Variants in ZDHHC14 observed in about 807,000 individuals in gnomAD.
ZDHHC14 encodes the protein zDHHC palmitoyltransferase 14, also known as palmitoyltransferase ZDHHC14.
Under a neutral mutation model 47.7 loss-of-function variants are expected in ZDHHC14, and 16 were observed. The observed-to-expected ratio is 0.34, with a 90% confidence interval of 0.23 to 0.51. ZDHHC14 has a LOEUF of 0.51. ZDHHC14 is among the 20% of genes least tolerant of loss of function. The pLI is 0.97. For missense variants in ZDHHC14, 515 were observed against 662.5 expected (o/e 0.78, Z 2.44); for synonymous variants, 293 against 278.9 (o/e 1.05, Z -0.50).
intron 1 of ZDHHC14, among the ~76,000 whole-genome samples, chr6:157,517,571 A>T (rs552277578): frequency 6.6e-6 from 1 of 152,290 alleles, no homozygotes; most frequent in Non-Finnish European, 1.5e-5. Context: ...TTGGCCTCCC[A>T]AAGTGCTGGG....
chr6:157,386,229 G>A (rs1227956008), intron 1 of ZDHHC14, among the ~76,000 whole-genome samples: 3 of 152,078 alleles, frequency 2.0e-5, no homozygotes, highest in Non-Finnish European at 4.4e-5. Flanking sequence ...AAACCTGGCC[G>A]GGCACAGTGG....
At chr6:157,598,816 T>A (rs1307919025) in intron 3 of ZDHHC14, among the ~76,000 whole-genome samples, 1 of 152,218 alleles carries the variant, frequency 6.6e-6, no homozygotes, top group Non-Finnish European at 1.5e-5. Flanking sequence ...CTTACCATGT[T>A]CAACCATTCA....
chr6:157,450,976 T>C (rs895009864), intron 1 of ZDHHC14, among the ~76,000 whole-genome samples: 2 of 151,372 alleles, frequency 1.3e-5, no homozygotes, highest in Admixed American at 1.3e-4. Flanking sequence ...GTGGGATAAA[T>C]TTTGATGTCA....
intron 1 of ZDHHC14, among the ~76,000 whole-genome samples, chr6:157,383,541 C>T (rs958420720): frequency 6.6e-6 from 1 of 152,216 alleles, no homozygotes; most frequent in African/African-American, 2.4e-5. Context: ...ATACTTGTCG[C>T]TCAAAGCCCT....
intron 1 of ZDHHC14, among the ~76,000 whole-genome samples, chr6:157,521,178 A>G (rs1780897594): frequency 6.6e-6 from 1 of 152,144 alleles, no homozygotes; most frequent in Non-Finnish European, 1.5e-5. Flanking sequence ...GGGACCCTGG[A>G]GGCAGAATCA....
intron 3 of ZDHHC14, among the ~76,000 whole-genome samples, chr6:157,603,783 C>T (rs1784427449): frequency 6.6e-6 from 1 of 152,200 alleles, no homozygotes; most frequent in Non-Finnish European, 1.5e-5. Context: ...GGGAGGGCAG[C>T]TACCTGTGGT....
intron 1 of ZDHHC14, among the ~76,000 whole-genome samples, chr6:157,471,173 C>T (rs1255294229): frequency 6.6e-6 from 1 of 152,224 alleles, no homozygotes; most frequent in Non-Finnish European, 1.5e-5. Flanking sequence ...ATACTCGTAT[C>T]CCCACCCCCA....
Position 157,643,668 on chromosome 6 carries a change from TATATATA to T in ZDHHC14, c.753-2068_753-2062del, listed in dbSNP as rs532478419. On this transcript the variant is annotated intron_variant, in intron 5 of 8. Transcript: ENST00000359775. ...CATCTCAAATATATATATATATATATATATATATGCTGTATTTTTTTATTGTTGCTAT... is the reference window on the plus strand; with the variant it reads ...CATCTCAAATATATATATATATATATTGCTGTATTTTTTTATTGTTGCTAT... Among the ~76,000 whole-genome samples the T allele has an allele frequency of 2.4e-3, 317 of 130,290 alleles. 16 individuals are homozygous for T. The highest frequency in any genetic ancestry group is 8.1e-3 in the African/African-American group (299 of 36,708). The allele number at this position is 130,290 out of a possible 152,430, so 85.5% of individuals were successfully genotyped here. A position where few individuals can be genotyped will look rare whatever the true frequency, so the allele number is the denominator to read the frequency against.
chr6:157,676,967 G>A lies in ZDHHC14; in HGVS notation c.*3845G>A, dbSNP rs1297314080. The A allele has an allele frequency of 6.6e-6, 1 of 152,148 alleles. No individual in the cohort carries two copies. The highest frequency in any genetic ancestry group is 2.4e-5 in the African/African-American group (1 of 41,434). The allele number at this position is 152,148 out of a possible 1,614,324, so 9.4% of individuals were successfully genotyped here. A position where few individuals can be genotyped will look rare whatever the true frequency, so the allele number is the denominator to read the frequency against. ...TCATCCATCCACAAGAATACATTGA[G>A]TTCATTTAGTTCTTGACCAGGTAAG... On this transcript the variant is annotated 3_prime_UTR_variant, in exon 9 of 9. Coordinates refer to ENST00000359775, the MANE Select transcript of ZDHHC14 (RefSeq NM_024630.3).
intron 2 of ZDHHC14, among the ~76,000 whole-genome samples, chr6:157,570,792 C>T (rs559721393): frequency 6.6e-6 from 1 of 150,426 alleles, no homozygotes; most frequent in South Asian, 2.1e-4. Flanking sequence ...CACACACACA[C>T]ACATATATAT....
chr6:157,539,191 C>A (rs930237219), intron 1 of ZDHHC14, among the ~76,000 whole-genome samples: 3 of 151,992 alleles, frequency 2.0e-5, no homozygotes, highest in African/African-American at 7.3e-5. Flanking sequence ...AGGAGGATTA[C>A]TCGAGCCCAG....
intron 2 of ZDHHC14, among the ~76,000 whole-genome samples, chr6:157,590,939 T>A (rs971742621): frequency 1.3e-5 from 2 of 152,256 alleles, no homozygotes; most frequent in Non-Finnish European, 2.9e-5. Flanking sequence ...ATGTGAGACA[T>A]GGAGTCAAAG....
intron 3 of ZDHHC14, among the ~76,000 whole-genome samples, chr6:157,605,808 T>G (rs1295820874): frequency 6.6e-6 from 1 of 151,724 alleles, no homozygotes; most frequent in African/African-American, 2.4e-5. Context: ...GCACAGCGGG[T>G]GGGGGGTAGG....
intron 5 of ZDHHC14, among the ~76,000 whole-genome samples, chr6:157,644,706 C>T (rs1777437084): frequency 6.6e-6 from 1 of 152,342 alleles, no homozygotes; most frequent in Admixed American, 6.5e-5. Context: ...ATGTATATGG[C>T]ATTCATCCTC....
At chr6:157,565,585 G>T (rs1027607517) in intron 2 of ZDHHC14, among the ~76,000 whole-genome samples, 5 of 152,128 alleles carry the variant, frequency 3.3e-5, no homozygotes, top group African/African-American at 1.2e-4. Context: ...TTGGAAGGCC[G>T]AGGCGGGCGG....
At chr6:157,391,512 G>T (rs1355134835) in intron 1 of ZDHHC14, among the ~76,000 whole-genome samples, 1 of 152,182 alleles carries the variant, frequency 6.6e-6, no homozygotes, top group Non-Finnish European at 1.5e-5. Flanking sequence ...TAGTTTTGTT[G>T]TGTTTTTGGT....
At chr6:157,634,899 T>C (rs1776894933) in intron 5 of ZDHHC14, among the ~76,000 whole-genome samples, 1 of 152,226 alleles carries the variant, frequency 6.6e-6, no homozygotes, top group Non-Finnish European at 1.5e-5. Flanking sequence ...TCTGGCCTGC[T>C]GGCGGCTTCT....
chr6:157,457,569 A>G (rs1778952659), intron 1 of ZDHHC14, among the ~76,000 whole-genome samples: 1 of 152,238 alleles, frequency 6.6e-6, no homozygotes, highest in Admixed American at 6.5e-5. Context: ...ATATTTATCA[A>G]TCATTTAAGT....
chr6:157,536,554 C>T (rs1052631394), intron 1 of ZDHHC14, among the ~76,000 whole-genome samples: 4 of 152,152 alleles, frequency 2.6e-5, no homozygotes, highest in Admixed American at 2.6e-4. Context: ...CAAAGAATGT[C>T]CTCTGGAAAA....
Sources: gnomAD v4.1 joint callset for allele counts (sites outside exome capture counted in the v4.1 genomes callset) on GRCh38, gnomAD v4.1.1 for gene constraint, MANE v1.5 for transcripts, NCBI Gene and HGNC (gene_info 2026-07-23, HGNC 2026-07-21) for gene names.